The following COMMD1 variants were observed in gnomAD, a reference collection of about 807,000 sequenced individuals.
COMMD1 encodes COMM domain-containing protein 1.
In COMMD1, 10 loss-of-function variants were observed where a neutral mutation model predicts 17.2. That is an observed-to-expected ratio of 0.58 (90% CI 0.36 to 0.99). The LOEUF is 0.99. Ranked by LOEUF, COMMD1 falls within the 50% of genes least tolerant of loss-of-function variation. The pLI is 0.01. For synonymous variants in COMMD1, 97 were observed against 91.6 expected (o/e 1.06, Z -0.34); for missense variants, 270 against 231.8 (o/e 1.17, Z -1.07).
intron 2 of COMMD1, among the ~76,000 whole-genome samples, chr2:62,122,045 C>T (rs1025597570): frequency 2.0e-4 from 31 of 152,174 alleles, no homozygotes; most frequent in African/African-American, 6.8e-4. Context: ...CCTACATAGG[C>T]CTCCCAAAGT....
intron 2 of COMMD1, chr2:62,090,748 C>T (rs1573171897): frequency 6.6e-6 from 1 of 152,180 alleles, no homozygotes; most frequent in South Asian, 2.1e-4. Flanking sequence ...TGAGAAGAAT[C>T]AGGGTTCCAG....
intron 1 of COMMD1, among the ~76,000 whole-genome samples, chr2:61,995,073 T>C (rs1252547612): frequency 1.3e-5 from 2 of 150,672 alleles, no homozygotes; most frequent in Non-Finnish European, 2.9e-5. Flanking sequence ...GTCCAACTAC[T>C]TACTGTTATC....
At chr2:62,131,510 T>C (rs907842203) in intron 2 of COMMD1, among the ~76,000 whole-genome samples, 17 of 152,120 alleles carry the variant, frequency 1.1e-4, no homozygotes, top group African/African-American at 3.9e-4. Context: ...CCTTCCTTTC[T>C]TTTCTTTTCT....
upstream of COMMD1, chr2:61,905,500 C>G (rs1188922350): frequency 9.9e-6 from 6 of 605,982 alleles, no homozygotes; most frequent in East Asian, 1.7e-4. Flanking sequence ...GTGGAGGTAT[C>G]CTAAGGGGAT....
chr2:62,027,644 A>ATGTTATGTTG (rs1357413507), intron 2 of COMMD1, among the ~76,000 whole-genome samples: 2 of 148,734 alleles, frequency 1.3e-5, no homozygotes, highest in African/African-American at 5.2e-5. Context: ...ATGTTATGTT[A>ATGTTATGTTG]TGTTATGTTA....
intron 1 of COMMD1, among the ~76,000 whole-genome samples, chr2:61,954,165 C>T (rs1038308910): frequency 4.6e-5 from 7 of 151,986 alleles, no homozygotes; most frequent in South Asian, 2.1e-4. Context: ...GCCGAGATTG[C>T]GCCACTGTAC....
chr2:62,074,814 G>T (rs1439979693), intron 2 of COMMD1, among the ~76,000 whole-genome samples: 1 of 150,908 alleles, frequency 6.6e-6, no homozygotes, highest in Non-Finnish European at 1.5e-5. Flanking sequence ...TTAAGGCATA[G>T]ATTGCAAGCT....
intron 2 of COMMD1, among the ~76,000 whole-genome samples, chr2:62,020,364 C>T (rs751230807): frequency 3.9e-5 from 6 of 152,136 alleles, no homozygotes; most frequent in Non-Finnish European, 8.8e-5. Flanking sequence ...GCTCTTAGCT[C>T]GTCCTTCTGG....
chr2:61,895,527 G>C (rs1311117191), intron 1 of COMMD1, among the ~76,000 whole-genome samples: 5 of 152,088 alleles, frequency 3.3e-5, no homozygotes, highest in Non-Finnish European at 7.4e-5. Context: ...AGGTGGCAAG[G>C]CCCACCAACA....
At chr2:61,924,395 G>T (rs370582849) in intron 1 of COMMD1, among the ~76,000 whole-genome samples, 3 of 144,228 alleles carry the variant, frequency 2.1e-5, no homozygotes, top group African/African-American at 7.5e-5. Context: ...TGGTTGGAGA[G>T]GGGGGAAGAG....
chr2:62,101,167 C>A (rs567623960), intron 2 of COMMD1, among the ~76,000 whole-genome samples: 3 of 152,086 alleles, frequency 2.0e-5, no homozygotes, highest in Admixed American at 2.0e-4. Context: ...ACCTCTGACA[C>A]CAAAAGTATA....
Position 62,092,163 on chromosome 2 carries a change from C to A in COMMD1, c.463-43668C>A, listed in dbSNP as rs115056377. ...TGAGAATGAACAAGTAAAACAGTTT[C>A]CTGGCTTTAGCAAGGGAATGTATAG... On this transcript the variant is annotated intron_variant, in intron 2 of 2. Coordinates refer to ENST00000311832, the MANE Select transcript of COMMD1 (RefSeq NM_152516.4). Among the ~76,000 whole-genome samples the A allele has an allele frequency of 1.6e-3, 238 of 152,246 alleles. 2 individuals are homozygous for A. Among genetic ancestry groups the A allele is most frequent in the African/African-American group, 4.5e-3 (188 of 41,538 alleles).
chr2:62,050,687 C>A (rs1670511552), intron 2 of COMMD1, among the ~76,000 whole-genome samples: 1 of 152,096 alleles, frequency 6.6e-6, no homozygotes, highest in Non-Finnish European at 1.5e-5. Context: ...TGTAAGCTGA[C>A]TTATGTCATG....
chr2:61,928,471 T>C (rs1670382757), intron 1 of COMMD1, among the ~76,000 whole-genome samples: 1 of 152,144 alleles, frequency 6.6e-6, no homozygotes, highest in African/African-American at 2.4e-5. Context: ...CAGGGAGCTA[T>C]TTAATATCTA....
At chr2:62,055,333 A>G in intron 2 of COMMD1, 5 of 423,814 alleles carry the variant, frequency 1.2e-5, no homozygotes, top group South Asian at 8.3e-5. Context: ...AGTTTATTTG[A>G]AAAGGGGGAA....
chr2:61,964,517 A>G (rs1229670814), intron 1 of COMMD1, among the ~76,000 whole-genome samples: 1 of 151,696 alleles, frequency 6.6e-6, no homozygotes, highest in Non-Finnish European at 1.5e-5. Context: ...CCCTGGTCTT[A>G]TATTTTTCAT....
In COMMD1 at chr2:62,040,373, A is replaced by G. The variant is rs947831542; in HGVS notation, c.462+39391A>G. Reference sequence around the variant, plus strand: ...TAGCAGGGCCAGAGGGTTGAGTACAATTCTCCCTGGTGTAAAACTCATTTT... The same window carrying G: ...TAGCAGGGCCAGAGGGTTGAGTACAGTTCTCCCTGGTGTAAAACTCATTTT... On this transcript the variant is annotated intron_variant, in intron 2 of 2. Coordinates refer to ENST00000311832, the MANE Select transcript of COMMD1 (RefSeq NM_152516.4). Among the ~76,000 whole-genome samples the G allele has an allele frequency of 3.9e-5, 6 of 152,226 alleles. No homozygotes were observed. The East Asian group carries it at 5.8e-4, about 15-fold the overall frequency.
At chr2:61,936,868 CAG>C (rs1670619840) in intron 1 of COMMD1, among the ~76,000 whole-genome samples, 1 of 152,188 alleles carries the variant, frequency 6.6e-6, no homozygotes, top group South Asian at 2.1e-4. Context: ...GACATAATCT[CAG>C]GAGGTCCTGA....
chr2:61,919,913 G>A (rs1168476688), intron 1 of COMMD1, among the ~76,000 whole-genome samples: 1 of 152,008 alleles, frequency 6.6e-6, no homozygotes, highest in African/African-American at 2.4e-5. Context: ...GATTGCTTGA[G>A]GCCAGGAGTT....
Sources: allele counts gnomAD v4.1 joint callset (sites outside exome capture counted in the v4.1 genomes callset), GRCh38; gene constraint gnomAD v4.1.1; transcripts MANE v1.5; gene names NCBI Gene and HGNC (gene_info 2026-07-23, HGNC 2026-07-21).